Variants in STXBP5L observed in about 807,000 individuals in gnomAD.
The protein encoded by STXBP5L is syntaxin-binding protein 5-like.
STXBP5L carries 65 observed loss-of-function variants against 144.5 expected under a neutral mutation model. The observed-to-expected ratio is 0.45, with a 90% confidence interval of 0.37 to 0.55. STXBP5L has a LOEUF of 0.55. Among genes scored for constraint, STXBP5L ranks in the 20% least tolerant of loss-of-function variants. STXBP5L has a pLI of 0.00. For synonymous variants in STXBP5L, 505 were observed against 469.6 expected, an observed-to-expected ratio of 1.08 and a Z score of -0.97; for missense variants, 1,298 against 1,405.5, an observed-to-expected ratio of 0.92 and a Z score of 1.22.
At chr3:120,994,739 TC>T (rs1943202925) in intron 3 of STXBP5L, among the ~76,000 whole-genome samples, 1 of 152,136 alleles carries the variant, frequency 6.6e-6, no homozygotes, top group Non-Finnish European at 1.5e-5. Context: ...TCTGTAGTTT[TC>T]TTTTTTGTTG....
Position 120,957,367 on chromosome 3 carries a change from A to G in STXBP5L, c.287+2330A>G, listed in dbSNP as rs79962214. ...TTGATTTGCATATGCTGAACCATTC[A>G]TGAATTCCTGAGATGATTCCCACTT... On this transcript the variant is annotated intron_variant, in intron 3 of 26. Transcript: ENST00000471454. Among the ~76,000 whole-genome samples, 357 of 152,112 alleles carry G rather than the reference A, an allele frequency of 2.3e-3. 2 individuals carry two copies. Among genetic ancestry groups the G allele is most frequent in the Non-Finnish European group, 4.1e-3 (275 of 67,890 alleles).
At chr3:120,915,039 T>G (rs1019057018) in intron 2 of STXBP5L, among the ~76,000 whole-genome samples, 1 of 152,100 alleles carries the variant, frequency 6.6e-6, no homozygotes, top group African/African-American at 2.4e-5. Context: ...GGCAATCACA[T>G]TTTCTCACAA....
At chr3:121,253,254 CAAAA>C (rs1211737241) in intron 15 of STXBP5L, among the ~76,000 whole-genome samples, 1 of 133,558 alleles carries the variant, frequency 7.5e-6, no homozygotes. Context: ...AAAAACATTG[CAAAA>C]AAAAAAAAAG....
intron 20 of STXBP5L, among the ~76,000 whole-genome samples, chr3:121,346,846 A>G (rs1376348087): frequency 2.0e-5 from 3 of 152,098 alleles, no homozygotes; most frequent in Admixed American, 6.5e-5. Context: ...TAGATTCTGG[A>G]TATTAGCCCT....
chr3:120,960,704 G>A (rs535844644), intron 3 of STXBP5L, among the ~76,000 whole-genome samples: 12 of 151,168 alleles, frequency 7.9e-5, no homozygotes, highest in African/African-American at 2.7e-4. Flanking sequence ...GGTGGGAATT[G>A]AACAATGAGA....
At chr3:121,019,275 G>T (rs1945372960) in intron 3 of STXBP5L, among the ~76,000 whole-genome samples, 2 of 152,104 alleles carry the variant, frequency 1.3e-5, no homozygotes, top group South Asian at 4.1e-4. Flanking sequence ...CTCAACTGAT[G>T]GTCTTTGTCT....
At chr3:121,373,136 C>A (rs1384809519) in intron 20 of STXBP5L, among the ~76,000 whole-genome samples, 1 of 152,100 alleles carries the variant, frequency 6.6e-6, no homozygotes, top group Non-Finnish European at 1.5e-5. Flanking sequence ...TTAATGAATC[C>A]AGTAAGAAAA....
At chr3:121,031,768 G>T (rs1470673674) in intron 3 of STXBP5L, among the ~76,000 whole-genome samples, 2 of 152,116 alleles carry the variant, frequency 1.3e-5, no homozygotes, top group Admixed American at 1.3e-4. Context: ...ACCAGTTAAG[G>T]AGTTGCAATG....
chr3:120,952,602 G>A (rs1283493204), intron 2 of STXBP5L, among the ~76,000 whole-genome samples: 2 of 151,882 alleles, frequency 1.3e-5, no homozygotes, highest in African/African-American at 4.8e-5. Context: ...TTGCAACATG[G>A]TGAATCAAGA....
At chr3:121,317,056 T>G (rs1019579796) in intron 19 of STXBP5L, among the ~76,000 whole-genome samples, 3 of 152,220 alleles carry the variant, frequency 2.0e-5, no homozygotes, top group Admixed American at 2.0e-4. Flanking sequence ...TTTGTATATC[T>G]AGGGTTAAGA....
At chr3:121,009,971 A>G (rs1445548937) in intron 3 of STXBP5L, among the ~76,000 whole-genome samples, 2 of 151,898 alleles carry the variant, frequency 1.3e-5, no homozygotes, top group Non-Finnish European at 2.9e-5. Context: ...ACAGTTGCAC[A>G]CCACATGCTA....
At chr3:121,335,869 C>A (rs974863127) in intron 20 of STXBP5L, among the ~76,000 whole-genome samples, 2 of 152,142 alleles carry the variant, frequency 1.3e-5, no homozygotes, top group Admixed American at 6.6e-5. Context: ...GCAAAGATTT[C>A]ATGATGGAGA....
At chr3:121,186,039 A>G (rs2047367841) in intron 9 of STXBP5L, among the ~76,000 whole-genome samples, 1 of 151,934 alleles carries the variant, frequency 6.6e-6, no homozygotes, top group African/African-American at 2.4e-5. Context: ...ATTCCTAGGT[A>G]TTTTATTCTC....
intron 3 of STXBP5L, among the ~76,000 whole-genome samples, chr3:121,002,771 G>C (rs1213674240): frequency 7.8e-6 from 1 of 127,914 alleles, no homozygotes; most frequent in Non-Finnish European, 1.5e-5. Flanking sequence ...TGTTCTCATT[G>C]TTCAATTCCC....
At chr3:121,073,147 T>A (rs903194344) in intron 5 of STXBP5L, among the ~76,000 whole-genome samples, 4 of 152,194 alleles carry the variant, frequency 2.6e-5, no homozygotes, top group Non-Finnish European at 4.4e-5. Flanking sequence ...GTCCGTTAAG[T>A]TTTTTTGGCT....
intron 19 of STXBP5L, among the ~76,000 whole-genome samples, chr3:121,287,412 T>C (rs2051268025): frequency 6.6e-6 from 1 of 151,930 alleles, no homozygotes; most frequent in Non-Finnish European, 1.5e-5. Context: ...AAGGTTAATA[T>C]ACAAAATTCC....
chr3:121,206,181 A>T (rs2048329845), intron 10 of STXBP5L, among the ~76,000 whole-genome samples, 180 bp downstream of exon 10: 1 of 152,186 alleles, frequency 6.6e-6, no homozygotes, highest in Non-Finnish European at 1.5e-5. Context: ...TATGATTATT[A>T]TAAATTACAA....
At chr3:121,077,385 G>T (rs554431036) in intron 5 of STXBP5L, among the ~76,000 whole-genome samples, 1 of 152,244 alleles carries the variant, frequency 6.6e-6, no homozygotes, top group East Asian at 1.9e-4. Context: ...TTCGGAGTTT[G>T]TTCCTTCTGA....
At chr3:121,398,935 G>A (rs563940920) in intron 22 of STXBP5L, among the ~76,000 whole-genome samples, 36 of 152,098 alleles carry the variant, frequency 2.4e-4, no homozygotes, top group Admixed American at 1.4e-3. Context: ...AAGAGTGGTC[G>A]CTCGAGGCAC....
Sources: gnomAD v4.1 joint callset for allele counts (sites outside exome capture counted in the v4.1 genomes callset) on GRCh38, gnomAD v4.1.1 for gene constraint, MANE v1.5 for transcripts, NCBI Gene and HGNC (gene_info 2026-07-23, HGNC 2026-07-21) for gene names.